Variants in CSMD2 observed in about 807,000 individuals in gnomAD.
CSMD2 encodes CUB and sushi domain-containing protein 2.
In CSMD2, 130 loss-of-function variants were observed where a neutral mutation model predicts 398.5. The observed-to-expected ratio is 0.33, with a 90% CI of 0.28 to 0.38. The LOEUF is 0.38. Ranked by LOEUF, CSMD2 falls within the 10% of genes least tolerant of loss-of-function variation. The pLI is 1.00. For missense variants in CSMD2, 3,829 were observed against 4,764.9 expected, an observed-to-expected ratio of 0.80 and a Z score of 5.78; for synonymous variants, 1,828 against 1,908.5, an observed-to-expected ratio of 0.96 and a Z score of 1.10.
At chr1:33,983,272 G>T (rs557120027) in intron 3 of CSMD2, among the ~76,000 whole-genome samples, 4 of 152,288 alleles carry the variant, frequency 2.6e-5, no homozygotes, top group Admixed American at 1.3e-4. Context: ...CAGATGCCAA[G>T]AACTTATTTA....
At chr1:34,074,009 C>T (rs1036847443) in intron 2 of CSMD2, among the ~76,000 whole-genome samples, 5 of 152,212 alleles carry the variant, frequency 3.3e-5, no homozygotes, top group African/African-American at 1.2e-4. Flanking sequence ...AGGTGCCCCA[C>T]ACTTAAATAA....
intron 53 of CSMD2, among the ~76,000 whole-genome samples, chr1:33,561,674 C>T (rs986057642): frequency 2.6e-5 from 4 of 152,132 alleles, no homozygotes; most frequent in Admixed American, 6.5e-5. Context: ...CGCAGTGGAC[C>T]GTGGCTTTTA....
At chr1:33,954,863 A>C (rs1000097862) in intron 3 of CSMD2, among the ~76,000 whole-genome samples, 3 of 152,180 alleles carry the variant, frequency 2.0e-5, no homozygotes, top group African/African-American at 7.2e-5. Context: ...GCTTGGGAAA[A>C]TGAAAAGGTT....
intron 2 of CSMD2, among the ~76,000 whole-genome samples, chr1:34,048,697 G>A (rs1318311266): frequency 2.0e-5 from 3 of 152,296 alleles, no homozygotes; most frequent in South Asian, 2.1e-4. Flanking sequence ...TTTGAGCACC[G>A]CACCTGGTTT....
intron 5 of CSMD2, among the ~76,000 whole-genome samples, chr1:33,853,860 C>T (rs966446390): frequency 6.6e-6 from 1 of 152,142 alleles, no homozygotes; most frequent in Admixed American, 6.5e-5. Context: ...GGTGGGATAT[C>T]GAATTACATC....
At chr1:33,950,338 C>A (rs1008091498) in intron 3 of CSMD2, among the ~76,000 whole-genome samples, 1 of 151,752 alleles carries the variant, frequency 6.6e-6, no homozygotes, top group East Asian at 1.9e-4. Flanking sequence ...CTCCTCCTCA[C>A]ACCCAATGTT....
At chr1:33,524,178 G>T (rs1429602577) in intron 66 of CSMD2, among the ~76,000 whole-genome samples, 1 of 151,748 alleles carries the variant, frequency 6.6e-6, no homozygotes, top group Non-Finnish European at 1.5e-5. Context: ...CTCAACACTG[G>T]CATAATATTT....
At chr1:33,706,715 C>A (rs1645789836) in intron 22 of CSMD2, among the ~76,000 whole-genome samples, 1 of 152,074 alleles carries the variant, frequency 6.6e-6, no homozygotes, top group African/African-American at 2.4e-5. Flanking sequence ...AGCAGAGGAG[C>A]TAAACTCAAA....
intron 5 of CSMD2, among the ~76,000 whole-genome samples, chr1:33,867,456 C>G (rs904480221): frequency 2.6e-5 from 4 of 152,144 alleles, no homozygotes; most frequent in African/African-American, 9.7e-5. Context: ...GACTCCTGAC[C>G]CCACAGAAAC....
chr1:33,540,934 G>A (rs1298965078), intron 59 of CSMD2, among the ~76,000 whole-genome samples, 196 bp downstream of exon 59: 1 of 152,096 alleles, frequency 6.6e-6, no homozygotes, highest in East Asian at 1.9e-4. Flanking sequence ...AATGTTCATG[G>A]CCCAGGCCTT....
intron 40 of CSMD2, 44 bp from the exon 41 acceptor site, chr1:33,611,294 C>G: frequency 6.5e-7 from 1 of 1,538,114 alleles, no homozygotes; most frequent in East Asian, 2.3e-5. Context: ...GCAACACAGT[C>G]CTGCCTCAAG....
intron 21 of CSMD2, among the ~76,000 whole-genome samples, chr1:33,714,229 A>G (rs957996575): frequency 1.3e-5 from 2 of 152,214 alleles, no homozygotes; most frequent in Admixed American, 6.5e-5. Context: ...CCTAGTGCCC[A>G]TCCAGATTCC....
At chr1:33,824,588 C>T (rs558762738) in intron 7 of CSMD2, among the ~76,000 whole-genome samples, 7 of 152,252 alleles carry the variant, frequency 4.6e-5, no homozygotes, top group Non-Finnish European at 7.4e-5. Flanking sequence ...GCTCGAAAAC[C>T]ACCGGTGCCA....
Position 33,635,113 on chromosome 1 carries a change from A to G in CSMD2, c.5086+101T>C, listed in dbSNP as rs61799704. ...GGGAGACTGTTCTGCGATTCCCACA[A>G]TGGGGCTGTATATAATTGGGAGGCG... On this transcript the variant is annotated intron_variant, in intron 31 of 70. Transcript: ENST00000373381. This position sits in a 1 kb window ranked among gnomAD's most constrained non-coding sequence, Gnocchi z 5.0. 8.7e-5 allele frequency: 62 copies of G among 716,484 alleles called. No individual in the cohort carries two copies. Among genetic ancestry groups the G allele is most frequent in the Non-Finnish European group, 1.2e-4 (49 of 404,658 alleles). 44.4% of individuals were successfully genotyped at this position (716,484 alleles called of 1,614,324 possible). A position where few individuals can be genotyped will look rare whatever the true frequency, so the allele number is the denominator to read the frequency against.
At chr1:34,002,649 C>T (rs894268093) in intron 3 of CSMD2, among the ~76,000 whole-genome samples, 11 of 152,150 alleles carry the variant, frequency 7.2e-5, no homozygotes, top group African/African-American at 2.2e-4. Context: ...CTATTAACCA[C>T]ATAAATTTTA....
chr1:33,696,533 A>G (rs1285863803), intron 24 of CSMD2, among the ~76,000 whole-genome samples: 1 of 152,132 alleles, frequency 6.6e-6, no homozygotes, highest in African/African-American at 2.4e-5. Context: ...ATGGACTACA[A>G]TTGTGGGGAG....
intron 53 of CSMD2, among the ~76,000 whole-genome samples, chr1:33,562,969 A>G (rs1658712010): frequency 1.3e-5 from 2 of 152,314 alleles, no homozygotes; most frequent in African/African-American, 2.4e-5. Flanking sequence ...CTCTCTCTCT[A>G]TACACACCTC....
At chr1:33,984,860 AAGGCAGGCAGGC>A (rs149716735) in intron 3 of CSMD2, among the ~76,000 whole-genome samples, 1,814 of 149,794 alleles carry the variant, frequency 0.012, 32 homozygotes, top group African/African-American at 0.043. Context: ...GGAAGGAAGG[AAGGCAGGCAGGC>A]AGGCAGGCAG....
intron 22 of CSMD2, 101 bp from the exon 23 acceptor site, chr1:33,700,774 G>GT: frequency 8.7e-7 from 1 of 1,143,384 alleles, no homozygotes; most frequent in Non-Finnish European, 1.3e-6. Context: ...TTTAGCACTG[G>GT]TAACAACTAT....
Sources: gnomAD v4.1 joint callset for allele counts (sites outside exome capture counted in the v4.1 genomes callset) on GRCh38, gnomAD v4.1.1 for gene constraint, Gnocchi (gnomAD v3.1) non-coding constraint, MANE v1.5 for transcripts, NCBI Gene and HGNC (gene_info 2026-07-23, HGNC 2026-07-21) for gene names.